FBXO10: variants seen among roughly 807,000 people sequenced by gnomAD.
The protein encoded by FBXO10 is F-box protein 10.
In FBXO10, 39 loss-of-function variants were observed where a neutral mutation model predicts 80.7. The observed-to-expected ratio is 0.48, with a 90% CI of 0.37 to 0.63. The LOEUF is 0.63. Among genes scored for constraint, FBXO10 ranks in the 30% least tolerant of loss-of-function variants. FBXO10 has a pLI of 0.00. For missense variants in FBXO10, 1,025 were observed against 1,269.0 expected, an observed-to-expected ratio of 0.81 and a Z score of 2.92; for synonymous variants, 449 against 489.6, an observed-to-expected ratio of 0.92 and a Z score of 1.09.
At position 37,541,789 on chromosome 9, in the gene FBXO10, CA is replaced by C. The variant is rs750787538; in HGVS notation, c.-6-16del. The C allele has an allele frequency of 6.5e-7, 1 of 1,547,114 alleles. No individual in the cohort carries two copies. Among genetic ancestry groups the C allele is most frequent in the Admixed American group, 2.0e-5 (1 of 49,000 alleles). On this transcript the variant is annotated splice_polypyrimidine_tract_variant and intron_variant, in intron 1 of 10. Transcript: ENST00000432825. Reference sequence around the variant, plus strand: ...TCCATGGTCACCTAGGAGACAGACACAAAACAAAAGAGATTTCTGTCTATCC... The same window carrying C: ...TCCATGGTCACCTAGGAGACAGACACAAACAAAAGAGATTTCTGTCTATCC...
At position 37,522,948 on chromosome 9, in the gene FBXO10, C is replaced by A; in HGVS notation, c.1807G>T (p.Gly603Cys). ...ATCCCTCCACGGCGGATGTCCACAC[C>A]TCCCCACTGATTCTCACGGATGACA... ...ENVIRENQWG[G>C]VDIRRGGIPV... Residue 603 changes from glycine (G) to cysteine (C), a missense_variant, in exon 7 of 11, where the codon GGT becomes TGT. Coordinates refer to ENST00000432825, the MANE Select transcript of FBXO10 (RefSeq NM_012166.3). 6.3e-7 allele frequency: 1 copy of A among 1,593,840 alleles called. No individual in the cohort carries two copies. Among genetic ancestry groups the A allele is most frequent in the African/African-American group, 1.3e-5 (1 of 74,546 alleles).
intron 1 of FBXO10, among the ~76,000 whole-genome samples, chr9:37,565,909 GA>G (rs1238256130): frequency 6.6e-6 from 1 of 152,220 alleles, no homozygotes; most frequent in African/African-American, 2.4e-5. Flanking sequence ...TCCTGAGGTA[GA>G]AAACCTTCAG....
intron 1 of FBXO10, among the ~76,000 whole-genome samples, chr9:37,565,365 C>G (rs1029636121): frequency 2.0e-5 from 3 of 152,168 alleles, no homozygotes; most frequent in African/African-American, 7.2e-5. Context: ...GCTAGGGAAA[C>G]AAACCAATAA....
chr9:37,563,608 G>C (rs575925019), intron 1 of FBXO10, among the ~76,000 whole-genome samples: 27 of 152,306 alleles, frequency 1.8e-4, no homozygotes, highest in African/African-American at 6.5e-4. Context: ...ATGGAGATAA[G>C]CCACTTCTTA....
Position 37,537,926 on chromosome 9 carries a change from G to A in FBXO10, c.603C>T (p.Val201=). The A allele has an allele frequency of 1.9e-6, 3 of 1,613,700 alleles. No homozygotes were observed. The highest frequency in any genetic ancestry group is 2.5e-6 in the Non-Finnish European group (3 of 1,179,678). ...TCTCAAAGTTGCAGTTGTCAAACTG[G>A]ACGTGACCTGATGTTGTCTGGGGAA... ...PIMYKTTSGH[V]QFDNCNFENG... Residue 201 remains valine, a synonymous_variant, in exon 3 of 11, where the codon GTC becomes GTT. Coordinates refer to ENST00000432825, the MANE Select transcript of FBXO10 (RefSeq NM_012166.3).
intron 2 of FBXO10, 34 bp from the exon 3 acceptor site, chr9:37,537,977 G>A: frequency 6.4e-7 from 1 of 1,571,658 alleles, no homozygotes; most frequent in Non-Finnish European, 8.7e-7. Context: ...GGCTGTAAGA[G>A]GGATGAGATT....
intron 2 of FBXO10, among the ~76,000 whole-genome samples, chr9:37,540,152 T>C (rs954666715): frequency 4.6e-5 from 7 of 152,010 alleles, no homozygotes; most frequent in South Asian, 2.1e-4. Context: ...TGAGAGACAA[T>C]TGTTATTGGC....
At chr9:37,535,502 C>T (rs1248781010) in intron 3 of FBXO10, among the ~76,000 whole-genome samples, 1 of 152,134 alleles carries the variant, frequency 6.6e-6, no homozygotes, top group Non-Finnish European at 1.5e-5. Context: ...CAAGTGCCCG[C>T]TGCCATGCCT....
rs80234786 is a variant in FBXO10 at position 37,573,744 on chromosome 9, A to G, written c.-7+2467T>C. 5.3e-5 allele frequency among the ~76,000 whole-genome samples: 8 copies of G among 152,352 alleles called. No homozygotes were observed. The East Asian group carries it at 1.5e-3, about 29-fold the overall frequency. ...GAAAGACAAGAGTGAATGTAAACCC[A>G]ACTTGTGAAATGAGACACACATGTT... is the stretch of plus-strand genomic sequence containing the variant. On this transcript the variant is annotated intron_variant, in intron 1 of 10. Transcript: ENST00000432825.
intron 1 of FBXO10, among the ~76,000 whole-genome samples, chr9:37,574,697 A>G (rs1354263877): frequency 1.3e-5 from 2 of 152,202 alleles, no homozygotes; most frequent in African/African-American, 4.8e-5. Context: ...AGCTGTTATG[A>G]GGTAAGCTCA....
In FBXO10 at chr9:37,525,137, A is replaced by G; in HGVS notation, c.1742T>C (p.Ile581Thr). The part of the protein sequence containing the change: ...NHIFKGRAAG[I>T]AVNENGKGLI... ...GCCTTTGCCGTTCTCATTCACTGCTATGCCGGCAGCACGGCCCTTGAAGAT... is the reference window on the plus strand; with the variant it reads ...GCCTTTGCCGTTCTCATTCACTGCTGTGCCGGCAGCACGGCCCTTGAAGAT... Residue 581 changes from isoleucine to threonine, a missense_variant, in exon 6 of 11, where the codon ATA (isoleucine) becomes ACA (threonine). Around this residue, in one of 3 missense-constraint regions of FBXO10, gnomAD observed 478 missense variants for 667.8 expected, o/e 0.72. Transcript: ENST00000432825. 6.4e-7 allele frequency: 1 copy of G among 1,565,604 alleles called. No individual in the cohort carries two copies.
In FBXO10 at chr9:37,520,123, C is replaced by G. The variant is rs568991673; in HGVS notation, c.2200+1446G>C. Among the ~76,000 whole-genome samples, 6 of 152,034 alleles carry G rather than the reference C, an allele frequency of 3.9e-5. No homozygotes were observed. In the South Asian group the frequency reaches 8.3e-4, roughly 21 times the overall value. The stretch of plus-strand genomic sequence containing the variant: ...GTGTTAGGGTTACAGGTGTGAGCCA[C>G]TGCGCCTGGCCCAGGAATCTGTTCT... On this transcript the variant is annotated intron_variant, in intron 8 of 10. Coordinates refer to ENST00000432825, the MANE Select transcript of FBXO10 (RefSeq NM_012166.3).
At position 37,537,248 on chromosome 9, in the gene FBXO10, C is replaced by T; in HGVS notation, c.1281G>A (p.Val427=). 6.2e-7 allele frequency: 1 copy of T among 1,613,914 alleles called. No individual in the cohort carries two copies. Among genetic ancestry groups the T allele is most frequent in the Non-Finnish European group, 8.5e-7 (1 of 1,179,906 alleles). ...GGCACTTGCGGATGAGGCAGCCCTG[C>T]ACGGAGTTGGCCAGTGCCATGGCCT... ...DKEAMALANS[V]QGCLIRKCLF... is the part of the protein sequence containing the mutation. Residue 427 remains valine, a synonymous_variant, in exon 3 of 11, where the codon GTG becomes GTA. Coordinates refer to ENST00000432825, the MANE Select transcript of FBXO10 (RefSeq NM_012166.3).
intron 1 of FBXO10, among the ~76,000 whole-genome samples, chr9:37,543,245 A>G (rs1276541067): frequency 6.6e-6 from 1 of 152,182 alleles, no homozygotes; most frequent in African/African-American, 2.4e-5. Flanking sequence ...AGTGATTTAT[A>G]TCACATGATT....
In FBXO10 at chr9:37,521,791, C is replaced by T; in HGVS notation, c.1978G>A (p.Val660Ile). ...TTGTAGCTGACGTGGTTGCTGGTGA[C>T]ATGGGGGAGGCTGGACGACATCATC... ...VWMMSSSLPH[V>I]TSNHVSYNGL... is the part of the protein sequence containing the mutation. The change falls in exon 8 of 11, where the codon GTC becomes ATC. Residue 660 changes from valine to isoleucine, a missense_variant. Val to Ile is a conservative substitution (Grantham distance 29, BLOSUM62 3). Coordinates refer to ENST00000432825, the MANE Select transcript of FBXO10 (RefSeq NM_012166.3). 1.2e-6 allele frequency: 2 copies of T among 1,607,578 alleles called. No individual in the cohort carries two copies. Among genetic ancestry groups the T allele is most frequent in the Middle Eastern group, 1.7e-4 (1 of 6,040 alleles).
intron 4 of FBXO10, 128 bp downstream of exon 4, chr9:37,531,781 G>C (rs999159783): frequency 1.1e-6 from 1 of 916,024 alleles, no homozygotes; most frequent in East Asian, 2.7e-5. Context: ...GACACGCAGA[G>C]GACAGAGCAG....
intron 1 of FBXO10, among the ~76,000 whole-genome samples, chr9:37,543,581 A>AG (rs1821979253): frequency 6.6e-6 from 1 of 152,228 alleles, no homozygotes; most frequent in African/African-American, 2.4e-5. Flanking sequence ...AAAGGGCAGA[A>AG]GCAAGGGGCA....
At chr9:37,554,386 C>T (rs1822283575) in intron 1 of FBXO10, among the ~76,000 whole-genome samples, 1 of 152,160 alleles carries the variant, frequency 6.6e-6, no homozygotes, top group Non-Finnish European at 1.5e-5. Context: ...GCTCATCCTA[C>T]TTGTGGTGTG....
At chr9:37,546,196 C>G (rs913398875) in intron 1 of FBXO10, among the ~76,000 whole-genome samples, 31 of 151,734 alleles carry the variant, frequency 2.0e-4, no homozygotes, top group Non-Finnish European at 4.0e-4. Flanking sequence ...GAGGTGAGTG[C>G]CAAGAACATC....
Sources: gnomAD v4.1 joint callset for allele counts (sites outside exome capture counted in the v4.1 genomes callset) on GRCh38, gnomAD v4.1.1 for gene constraint, gnomAD v4.1.1 regional missense constraint, MANE v1.5 for transcripts, NCBI Gene and HGNC (gene_info 2026-07-23, HGNC 2026-07-21) for gene names.